The following PDE10A variants were observed in gnomAD, a reference collection of about 807,000 sequenced individuals.
PDE10A encodes cAMP and cAMP-inhibited cGMP 3',5'-cyclic phosphodiesterase 10A.
In PDE10A, 39 loss-of-function variants were observed where a neutral mutation model predicts 97.7. The ratio of observed to expected loss-of-function variants is 0.40; its 90% CI spans 0.31 to 0.52. PDE10A has a LOEUF of 0.52. Among genes scored for constraint, PDE10A ranks in the 20% least tolerant of loss-of-function variants. PDE10A has a pLI of 0.56. For synonymous variants in PDE10A, 371 were observed against 376.8 expected, an observed-to-expected ratio of 0.98 and a Z score of 0.18; for missense variants, 731 against 1,047.8, an observed-to-expected ratio of 0.70 and a Z score of 4.17.
At chr6:165,898,366 C>A (rs1482580076) in intron 1 of PDE10A, among the ~76,000 whole-genome samples, 1 of 152,134 alleles carries the variant, frequency 6.6e-6, no homozygotes, top group Non-Finnish European at 1.5e-5. Context: ...GCGAGCACAG[C>A]CTCGGGTCAT....
intron 1 of PDE10A, among the ~76,000 whole-genome samples, chr6:165,895,602 A>G (rs1437971460): frequency 6.6e-6 from 1 of 152,206 alleles, no homozygotes; most frequent in Non-Finnish European, 1.5e-5. Flanking sequence ...TCCTCACTCC[A>G]TAAGACAAAG....
At chr6:165,974,556 T>A (rs1784793719) in intron 1 of PDE10A, among the ~76,000 whole-genome samples, 1 of 152,184 alleles carries the variant, frequency 6.6e-6, no homozygotes, top group African/African-American at 2.4e-5. Flanking sequence ...AGAGAAGATA[T>A]CATAAGCAAT....
At chr6:165,559,555 C>A (rs763397121) in intron 1 of PDE10A, among the ~76,000 whole-genome samples, 21 of 151,990 alleles carry the variant, frequency 1.4e-4, no homozygotes, top group Non-Finnish European at 2.8e-4. Context: ...TACAGTAAGC[C>A]CATTAATAAA....
chr6:165,933,779 C>T lies in PDE10A; in HGVS notation c.-615+53750G>A, dbSNP rs1783226191. Among the ~76,000 whole-genome samples, 5 of 152,082 alleles carry T rather than the reference C, an allele frequency of 3.3e-5. No individual in the cohort carries two copies. The South Asian group carries it at 1.0e-3, about 32-fold the overall frequency. On this transcript the variant is annotated intron_variant, in intron 1 of 19. Transcript: ENST00000366882. ...ATTTATACACAACAAAAATGTAACA[C>T]AACATTCTGGAATAAGGAAACATAC... is the stretch of plus-strand genomic sequence containing the variant.
chr6:165,677,419 G>A (rs1790830038), intron 1 of PDE10A, among the ~76,000 whole-genome samples: 1 of 152,160 alleles, frequency 6.6e-6, no homozygotes, highest in Non-Finnish European at 1.5e-5. Flanking sequence ...CATACAGTGA[G>A]CCCTCCATAT....
chr6:165,471,174 T>C (rs1778978943), intron 3 of PDE10A, among the ~76,000 whole-genome samples: 1 of 152,188 alleles, frequency 6.6e-6, no homozygotes, highest in Admixed American at 6.5e-5. Context: ...ACATAGTTGA[T>C]TGCTCTATTT....
chr6:165,713,607 A>G (rs1417269239), intron 1 of PDE10A, among the ~76,000 whole-genome samples: 1 of 152,210 alleles, frequency 6.6e-6, no homozygotes, highest in Non-Finnish European at 1.5e-5. Flanking sequence ...TTTGACGACA[A>G]AGAAGATCAT....
At chr6:165,434,043 T>G (rs562430) in intron 6 of PDE10A, among the ~76,000 whole-genome samples, 2 of 124,722 alleles carry the variant, frequency 1.6e-5, no homozygotes, top group Non-Finnish European at 3.2e-5. Context: ...AAAAAAGAAG[T>G]AGTACAGGGA....
chr6:165,825,126 C>T (rs978482746), intron 1 of PDE10A, among the ~76,000 whole-genome samples: 7 of 114,686 alleles, frequency 6.1e-5, no homozygotes, highest in Admixed American at 1.1e-4. Flanking sequence ...CCAGCCTGGG[C>T]AACAGAAAGA....
At chr6:165,491,009 C>A (rs914491432) in intron 2 of PDE10A, among the ~76,000 whole-genome samples, 2 of 152,102 alleles carry the variant, frequency 1.3e-5, no homozygotes, top group African/African-American at 4.8e-5. Context: ...TCAAGAGACT[C>A]ACCTGACTCA....
At chr6:165,579,952 C>T (rs1785519486) in intron 1 of PDE10A, among the ~76,000 whole-genome samples, 2 of 152,154 alleles carry the variant, frequency 1.3e-5, no homozygotes, top group South Asian at 4.1e-4. Context: ...ATTGTTGTCT[C>T]CCAGCCCCTA....
intron 1 of PDE10A, among the ~76,000 whole-genome samples, chr6:165,858,399 G>A (rs1256450569): frequency 6.6e-6 from 1 of 152,178 alleles, no homozygotes; most frequent in Non-Finnish European, 1.5e-5. Context: ...ACCAAGTGGG[G>A]AGGGAGTTGC....
rs1381684608 is a variant in PDE10A at position 165,431,482 on chromosome 6, A to C, written c.1492-10T>G. On this transcript the variant is annotated splice_polypyrimidine_tract_variant and intron_variant, in intron 7 of 21. Transcript: ENST00000539869. ...GATTTGCTGTTGCAACCTAAAAAAA[A>C]CAAGAAATACATACCTATAAGTAAT... is the stretch of plus-strand genomic sequence containing the variant. The C allele has an allele frequency of 6.5e-7, 1 of 1,537,098 alleles. No homozygotes were observed. Among genetic ancestry groups the C allele is most frequent in the Non-Finnish European group, 8.9e-7 (1 of 1,117,788 alleles).
intron 1 of PDE10A, among the ~76,000 whole-genome samples, chr6:165,654,528 T>C (rs984541108): frequency 6.6e-6 from 1 of 152,174 alleles, no homozygotes; most frequent in African/African-American, 2.4e-5. Context: ...AAGGTTTCCT[T>C]CCAGTGTCCA....
At chr6:165,723,437 G>C (rs532251818) in intron 1 of PDE10A, among the ~76,000 whole-genome samples, 2 of 152,284 alleles carry the variant, frequency 1.3e-5, no homozygotes, top group South Asian at 4.2e-4. Flanking sequence ...GCAAAAAATA[G>C]TGCGGTTTCC....
chr6:165,374,015 A>T (rs111475189), intron 18 of PDE10A, among the ~76,000 whole-genome samples: 1 of 142,814 alleles, frequency 7.0e-6, no homozygotes, highest in Non-Finnish European at 1.5e-5. Flanking sequence ...TCACTCATAG[A>T]TGGGAATTGA....
chr6:165,603,897 T>A (rs1481275277), intron 1 of PDE10A, among the ~76,000 whole-genome samples: 2 of 152,208 alleles, frequency 1.3e-5, no homozygotes, highest in Non-Finnish European at 2.9e-5. Context: ...CTCAATTTGC[T>A]GAAGCAGGAA....
intron 1 of PDE10A, among the ~76,000 whole-genome samples, chr6:165,784,256 A>G (rs1387870026): frequency 6.6e-6 from 1 of 151,980 alleles, no homozygotes; most frequent in East Asian, 1.9e-4. Context: ...ATAAAAAGAA[A>G]AGGTGTTTGC....
intron 1 of PDE10A, among the ~76,000 whole-genome samples, chr6:165,821,509 T>C (rs924676685): frequency 5.4e-5 from 8 of 147,762 alleles, no homozygotes; most frequent in African/African-American, 1.7e-4. Context: ...GTTCAACTTG[T>C]TTATAATTAT....
Sources: allele counts gnomAD v4.1 joint callset (sites outside exome capture counted in the v4.1 genomes callset), GRCh38; gene constraint gnomAD v4.1.1; transcripts MANE v1.5; gene names NCBI Gene and HGNC (gene_info 2026-07-23, HGNC 2026-07-21).